Variants in SDK1 observed in about 807,000 individuals in gnomAD.
SDK1 encodes sidekick cell adhesion molecule 1.
Under a neutral mutation model 245.5 loss-of-function variants are expected in SDK1, and 157 were observed. The observed-to-expected ratio is 0.64, with a 90% confidence interval of 0.56 to 0.73. The LOEUF (loss-of-function observed/expected upper bound fraction) is 0.73. SDK1 is among the 30% of genes least tolerant of loss of function. The pLI is 0.00. For missense variants in SDK1, 3,583 were observed against 3,002.3 expected (o/e 1.19, Z -4.52); for synonymous variants, 1,647 against 1,278.5 (o/e 1.29, Z -6.15).
Position 3,964,327 on chromosome 7 carries a change from A to C in SDK1, c.1429+1476A>C, listed in dbSNP as rs906252769. Among the ~76,000 whole-genome samples the C allele has an allele frequency of 6.6e-5, 10 of 152,178 alleles. No individual in the cohort carries two copies. In the South Asian group the frequency reaches 1.9e-3, roughly 28 times the overall value. On this transcript the variant is annotated intron_variant, in intron 9 of 44. Transcript: ENST00000404826. ...CCTAGTACCCTCCTCTTCTCAGGGT[A>C]GCGTTGCCTCTTCCCGCACTAAGCC...
intron 4 of SDK1, among the ~76,000 whole-genome samples, chr7:3,738,696 T>A (rs752468822): frequency 2.6e-5 from 4 of 152,220 alleles, no homozygotes; most frequent in African/African-American, 4.8e-5. Flanking sequence ...TGTCTTCTTT[T>A]ATTTCTTTCA....
intron 14 of SDK1, among the ~76,000 whole-genome samples, chr7:3,993,319 T>C (rs955697070): frequency 6.6e-6 from 1 of 152,180 alleles, no homozygotes; most frequent in Non-Finnish European, 1.5e-5. Context: ...GGTGGCCTTC[T>C]ACCAGTTATC....
At chr7:3,953,170 G>GAAAAAA (rs35344518) in intron 7 of SDK1, among the ~76,000 whole-genome samples, 1 of 135,578 alleles carries the variant, frequency 7.4e-6, no homozygotes, top group African/African-American at 2.7e-5. Flanking sequence ...GCAAAATAAG[G>GAAAAAA]AAAAAAAAAA....
rs780195495 is a variant in SDK1, at chr7:3,967,378, C to T, written c.1490C>T (p.Ala497Val). ...ACCACAGTTACTGACGGGATGACAGCCATTCTAAGGTGTGAGGTGTCCGGG... is the reference window on the plus strand; with the variant it reads ...ACCACAGTTACTGACGGGATGACAGTCATTCTAAGGTGTGAGGTGTCCGGG... ...VDTTVTDGMT[A>V]ILRCEVSGAP... The change falls in exon 10 of 45, where the codon GCC (alanine) becomes GTC (valine). Residue 497 changes from alanine (A) to valine (V), a missense_variant. Physicochemically the swap from Ala to Val is moderately conservative, Grantham distance 64 (BLOSUM62 0). Transcript: ENST00000404826. 7 of 1,614,152 alleles carry T rather than the reference C, an allele frequency of 4.3e-6. No individual in the cohort carries two copies. Among genetic ancestry groups the T allele is most frequent in the Non-Finnish European group, 5.9e-6 (7 of 1,180,020 alleles).
chr7:3,497,731 G>C (rs938658433), intron 1 of SDK1, among the ~76,000 whole-genome samples: 8 of 152,154 alleles, frequency 5.3e-5, no homozygotes, highest in African/African-American at 1.9e-4. Flanking sequence ...AAACCCCTTA[G>C]ATGCTATTTA....
At chr7:3,455,800 T>G (rs1345251766) in intron 1 of SDK1, among the ~76,000 whole-genome samples, 1 of 152,240 alleles carries the variant, frequency 6.6e-6, no homozygotes, top group Non-Finnish European at 1.5e-5. Flanking sequence ...TAGTCTTATC[T>G]GTGTCTGTAA....
chr7:3,751,305 C>T (rs909008010), intron 4 of SDK1, among the ~76,000 whole-genome samples: 18 of 152,166 alleles, frequency 1.2e-4, no homozygotes, highest in Non-Finnish European at 2.2e-4. Flanking sequence ...GGATGATGCC[C>T]CTCTTTACTT....
chr7:3,457,698 T>C (rs181399015), intron 1 of SDK1, among the ~76,000 whole-genome samples: 4 of 152,290 alleles, frequency 2.6e-5, no homozygotes, highest in Admixed American at 1.3e-4. Flanking sequence ...GAGATCTTCC[T>C]CTAAGAGCTA....
chr7:4,143,163 C>T (rs571602776), intron 28 of SDK1, among the ~76,000 whole-genome samples: 6 of 152,260 alleles, frequency 3.9e-5, no homozygotes, highest in Non-Finnish European at 4.4e-5. Flanking sequence ...GTGCTGCTTC[C>T]GGTGGGCATT....
chr7:3,802,578 ATCCATCCC>A (rs1779134730), intron 4 of SDK1, among the ~76,000 whole-genome samples: 1 of 151,360 alleles, frequency 6.6e-6, no homozygotes, highest in South Asian at 2.1e-4. Context: ...CACCACAGAC[ATCCATCCC>A]CCTTGTGCTG....
At chr7:3,962,032 C>G (rs1422993863) in intron 8 of SDK1, among the ~76,000 whole-genome samples, 1 of 152,104 alleles carries the variant, frequency 6.6e-6, no homozygotes, top group Non-Finnish European at 1.5e-5. Context: ...GACACATGCA[C>G]ATATATACAC....
intron 1 of SDK1, among the ~76,000 whole-genome samples, chr7:3,336,733 A>G (rs981586653): frequency 3.9e-5 from 6 of 152,140 alleles, no homozygotes; most frequent in Non-Finnish European, 7.4e-5. Flanking sequence ...CCCAGAGGGT[A>G]GCTGATCTTA....
chr7:4,079,656 C>T, intron 22 of SDK1, 72 bp downstream of exon 22: 2 of 1,583,318 alleles, frequency 1.3e-6, no homozygotes, highest in Non-Finnish European at 1.7e-6. Context: ...GAGTGGTACC[C>T]CTGCAGATGA....
At chr7:3,906,062 G>T (rs968383377) in intron 5 of SDK1, among the ~76,000 whole-genome samples, 5 of 151,772 alleles carry the variant, frequency 3.3e-5, no homozygotes, top group Admixed American at 1.3e-4. Flanking sequence ...CATCGTTTCT[G>T]TCTCTCTTTG....
intron 31 of SDK1, among the ~76,000 whole-genome samples, chr7:4,160,682 A>G (rs538041833): frequency 4.6e-5 from 7 of 152,308 alleles, no homozygotes; most frequent in African/African-American, 1.7e-4. Context: ...CTCACAACTC[A>G]AGGACATTGA....
intron 4 of SDK1, among the ~76,000 whole-genome samples, chr7:3,731,935 G>C (rs755691222): frequency 6.6e-6 from 1 of 152,090 alleles, no homozygotes; most frequent in East Asian, 1.9e-4. Context: ...GGGACTACAG[G>C]TGCCCACCAC....
At chr7:3,877,525 T>C (rs936753035) in intron 5 of SDK1, among the ~76,000 whole-genome samples, 1 of 152,210 alleles carries the variant, frequency 6.6e-6, no homozygotes, top group African/African-American at 2.4e-5. Flanking sequence ...CTGTATCTAG[T>C]GGAGGCATGT....
chr7:3,327,504 C>T (rs1226837880), intron 1 of SDK1, among the ~76,000 whole-genome samples: 2 of 152,082 alleles, frequency 1.3e-5, no homozygotes, highest in African/African-American at 4.8e-5. Context: ...TCAGGTTTTA[C>T]TTCACATACC....
At chr7:3,855,548 G>A (rs1780524625) in intron 5 of SDK1, among the ~76,000 whole-genome samples, 2 of 152,146 alleles carry the variant, frequency 1.3e-5, no homozygotes, top group Admixed American at 1.3e-4. Context: ...CAGAAGACTA[G>A]GAGAAATAAT....
Sources: allele counts gnomAD v4.1 joint callset (sites outside exome capture counted in the v4.1 genomes callset), GRCh38; gene constraint gnomAD v4.1.1; transcripts MANE v1.5; gene names NCBI Gene and HGNC (gene_info 2026-07-23, HGNC 2026-07-21).